The following EYS variants were observed in gnomAD, a reference collection of about 807,000 sequenced individuals.
EYS encodes protein eyes shut homolog.
A neutral mutation model predicts 282.1 loss-of-function variants in EYS; 250 were observed. The observed-to-expected ratio is 0.89, with a 90% CI of 0.80 to 0.98. The LOEUF (loss-of-function observed/expected upper bound fraction) is 0.98, where lower values mean the gene tolerates loss of function less well. EYS is among the 50% of genes least tolerant of loss of function. EYS has a pLI of 0.00. For synonymous variants in EYS, 1,355 were observed against 1,282.9 expected (o/e 1.06, Z -1.20); for missense variants, 4,016 against 3,709.0 (o/e 1.08, Z -2.15).
At chr6:64,952,028 T>C (rs1431126255) in intron 14 of EYS, among the ~76,000 whole-genome samples, 1 of 151,792 alleles carries the variant, frequency 6.6e-6, no homozygotes, top group Non-Finnish European at 1.5e-5. Context: ...TTAAAACTTC[T>C]GAAAATGAAA....
chr6:64,576,839 G>T (rs1765896858), intron 26 of EYS, among the ~76,000 whole-genome samples: 1 of 152,048 alleles, frequency 6.6e-6, no homozygotes, highest in South Asian at 2.1e-4. Context: ...AAATGGATTG[G>T]ATTATATTCC....
chr6:64,814,525 T>A (rs548653806), intron 21 of EYS, among the ~76,000 whole-genome samples: 1 of 152,158 alleles, frequency 6.6e-6, no homozygotes, highest in East Asian at 1.9e-4. Flanking sequence ...TATGTTTCTC[T>A]GTATATTTAG....
At chr6:64,940,173 C>T (rs963765711) in intron 15 of EYS, among the ~76,000 whole-genome samples, 1 of 151,966 alleles carries the variant, frequency 6.6e-6, no homozygotes, top group Non-Finnish European at 1.5e-5. Context: ...AAGCTCAAGT[C>T]GGTAAGTCCT....
At chr6:65,363,146 T>C (rs1269313516) in intron 8 of EYS, among the ~76,000 whole-genome samples, 1 of 150,592 alleles carries the variant, frequency 6.6e-6, no homozygotes, top group Non-Finnish European at 1.5e-5. Flanking sequence ...TCATCAGGGC[T>C]ACAAAAGAAG....
chr6:63,919,451 T>C (rs1764510773), intron 35 of EYS, among the ~76,000 whole-genome samples: 1 of 150,044 alleles, frequency 6.7e-6, no homozygotes, highest in Admixed American at 6.7e-5. Context: ...TGGATAAAGG[T>C]ATAATTTCCA....
intron 14 of EYS, among the ~76,000 whole-genome samples, chr6:64,970,085 A>T (rs949125343): frequency 2.0e-5 from 3 of 152,128 alleles, no homozygotes; most frequent in African/African-American, 7.2e-5. Flanking sequence ...ATTGTTGGAA[A>T]ATTTGGGGTA....
intron 33 of EYS, among the ~76,000 whole-genome samples, chr6:64,010,773 C>T (rs1000802908): frequency 6.6e-6 from 1 of 152,126 alleles, no homozygotes; most frequent in African/African-American, 2.4e-5. Flanking sequence ...GGAATCTTCG[C>T]TAAAAGGTAT....
In EYS at chr6:65,337,371, A is replaced by G. The variant is rs149913137; in HGVS notation, c.1600-2225T>C. Among the ~76,000 whole-genome samples the G allele has an allele frequency of 1.6e-3, 250 of 151,540 alleles. 3 individuals are homozygous for G. The highest frequency in any genetic ancestry group is 1.1e-3 in the Non-Finnish European group (77 of 67,568). ...GGCTTTCATTTCTGTTTGAGTATGT[A>G]ATGATTTTCTACATCCAGAGGATAT... On this transcript the variant is annotated intron_variant, in intron 10 of 42. Transcript: ENST00000503581.
At chr6:64,339,840 C>A (rs911514142) in intron 29 of EYS, among the ~76,000 whole-genome samples, 11 of 151,742 alleles carry the variant, frequency 7.2e-5, no homozygotes, top group South Asian at 4.1e-4. Context: ...TAAGTGGGAG[C>A]TAAACTGTGA....
chr6:65,604,837 G>GC (rs377109416), intron 2 of EYS, among the ~76,000 whole-genome samples: 1,123 of 111,088 alleles, frequency 0.01, 20 homozygotes, highest in East Asian at 0.054. Context: ...TAAATTCACT[G>GC]CCCCCTTTTT....
At chr6:64,323,344 G>A (rs962899094) in intron 29 of EYS, among the ~76,000 whole-genome samples, 1 of 152,034 alleles carries the variant, frequency 6.6e-6, no homozygotes, top group African/African-American at 2.4e-5. Flanking sequence ...GTTGTAACAT[G>A]TATCAGTATT....
intron 6 of EYS, among the ~76,000 whole-genome samples, chr6:65,404,632 A>T (rs986328661): frequency 6.6e-6 from 1 of 151,958 alleles, no homozygotes; most frequent in Non-Finnish European, 1.5e-5. Flanking sequence ...TCTGTATATT[A>T]TGTTCTATAT....
chr6:65,588,913 T>A (rs922032604), intron 2 of EYS, among the ~76,000 whole-genome samples: 53 of 149,842 alleles, frequency 3.5e-4, no homozygotes, highest in African/African-American at 1.2e-3. Context: ...ATATATATGA[T>A]CTTAGAGGCA....
intron 34 of EYS, among the ~76,000 whole-genome samples, chr6:63,992,956 CG>C (rs1285017198): frequency 6.6e-6 from 1 of 151,682 alleles, no homozygotes; most frequent in African/African-American, 2.4e-5. Flanking sequence ...CTTGTGAAAG[CG>C]GCAGTTCGCT....
chr6:65,674,445 C>A (rs140392146), intron 1 of EYS, among the ~76,000 whole-genome samples: 17 of 105,276 alleles, frequency 1.6e-4, no homozygotes, highest in Non-Finnish European at 2.6e-4. Flanking sequence ...AGCAAGACTC[C>A]GTCTCAAAAA....
intron 8 of EYS, among the ~76,000 whole-genome samples, chr6:65,380,806 AGT>A (rs1765581939): frequency 6.6e-6 from 1 of 152,166 alleles, no homozygotes; most frequent in Admixed American, 6.6e-5. Context: ...AAATGGGCAA[AGT>A]TTATCAACAG....
intron 32 of EYS, among the ~76,000 whole-genome samples, chr6:64,078,398 C>G (rs1321609093): frequency 6.6e-6 from 1 of 151,972 alleles, no homozygotes; most frequent in Non-Finnish European, 1.5e-5. Context: ...AAGGGACACA[C>G]CTTTTAAATT....
At chr6:63,797,414 T>C (rs1033362936) in intron 37 of EYS, 2 of 152,204 alleles carry the variant, frequency 1.3e-5, no homozygotes, top group Non-Finnish European at 2.9e-5. Flanking sequence ...TCGAGTGATA[T>C]AGGATTCTAG....
chr6:64,021,224 T>G (rs1769175238), intron 33 of EYS, among the ~76,000 whole-genome samples: 1 of 152,194 alleles, frequency 6.6e-6, no homozygotes, highest in Non-Finnish European at 1.5e-5. Context: ...GCCATTCTTT[T>G]TCTTTCCATC....
Sources: allele counts gnomAD v4.1 joint callset (sites outside exome capture counted in the v4.1 genomes callset), GRCh38; gene constraint gnomAD v4.1.1; transcripts MANE v1.5; gene names NCBI Gene and HGNC (gene_info 2026-07-23, HGNC 2026-07-21).